The following SPATA21 variants were observed in gnomAD, a reference collection of about 807,000 sequenced individuals.
The protein encoded by SPATA21 is spermatogenesis associated 21.
SPATA21 carries 47 observed loss-of-function variants against 54.8 expected under a neutral mutation model. That is an observed-to-expected ratio of 0.86 (90% CI 0.68 to 1.09). The LOEUF is 1.09. SPATA21 is among the 50% of genes least tolerant of loss of function. The probability of loss-of-function intolerance (pLI) is 0.00; values close to 1 mark genes in which losing one functional copy is unlikely to be tolerated. For missense variants in SPATA21, 599 were observed against 596.4 expected, an observed-to-expected ratio of 1.00 and a Z score of -0.05; for synonymous variants, 245 against 235.3, an observed-to-expected ratio of 1.04 and a Z score of -0.38.
rs776020959 is a variant in SPATA21 at position 16,429,147 on chromosome 1, ATT to A, written c.34+2189_34+2190del. Among the ~76,000 whole-genome samples, 14 of 143,982 alleles carry A rather than the reference ATT, an allele frequency of 9.7e-5. No individual in the cohort carries two copies. The South Asian group carries it at 2.2e-3, about 23-fold the overall frequency. 94.5% of individuals were successfully genotyped at this position (143,982 alleles called of 152,430 possible). A position where few individuals can be genotyped will look rare whatever the true frequency, so the allele number is the denominator to read the frequency against. On this transcript the variant is annotated intron_variant, in intron 3 of 12. Coordinates refer to ENST00000335496, the MANE Select transcript of SPATA21 (RefSeq NM_198546.1). Reference sequence around the variant, plus strand: ...ATACCCAAGGGCATGTTGACTTTTTATTTTTTTTTTTGGCTTTTTTTTTCTTT... The same window carrying A: ...ATACCCAAGGGCATGTTGACTTTTTATTTTTTTTTGGCTTTTTTTTTCTTT...
intron 5 of SPATA21, among the ~76,000 whole-genome samples, chr1:16,414,622 C>T (rs563249192): frequency 1.2e-4 from 18 of 151,892 alleles, no homozygotes; most frequent in Admixed American, 5.9e-4. Context: ...TGGACGGGCG[C>T]GGTGGCTCAC....
In SPATA21 at chr1:16,404,040, C is replaced by T. The variant is rs1269834288; in HGVS notation, c.812-1G>A. 1.2e-5 allele frequency: 19 copies of T among 1,553,352 alleles called. No homozygotes were observed. The highest frequency in any genetic ancestry group is 1.6e-5 in the Non-Finnish European group (18 of 1,147,890). ...TCTTTGAAGTCCACACGACCATCTCCTGTGGAGGCCAGAGGAGTAGGGTGG... is the reference window on the plus strand; with the variant it reads ...TCTTTGAAGTCCACACGACCATCTCTTGTGGAGGCCAGAGGAGTAGGGTGG... On this transcript the variant is annotated splice_acceptor_variant, in intron 8 of 12. Coordinates refer to ENST00000335496, the MANE Select transcript of SPATA21 (RefSeq NM_198546.1). LOFTEE classifies it high-confidence loss of function.
intron 3 of SPATA21, chr1:16,425,052 G>T: frequency 2.9e-6 from 1 of 342,632 alleles, no homozygotes; most frequent in Non-Finnish European, 5.8e-6. Context: ...TTGAGTAGCT[G>T]GGATTACAGG....
chr1:16,414,705 A>G (rs1319738503), intron 5 of SPATA21, among the ~76,000 whole-genome samples: 1 of 151,148 alleles, frequency 6.6e-6, no homozygotes, highest in Admixed American at 6.6e-5. Flanking sequence ...GACCAGCCTG[A>G]CCAACATGGA....
chr1:16,420,833 A>AG (rs148798037), intron 5 of SPATA21, among the ~76,000 whole-genome samples: 6,688 of 152,080 alleles, frequency 0.044, 468 homozygotes, highest in African/African-American at 0.15. Flanking sequence ...CCTGGAGCGG[A>AG]GGGAGGGCGG....
intron 5 of SPATA21, among the ~76,000 whole-genome samples, chr1:16,417,090 T>G (rs2086029804): frequency 6.6e-6 from 1 of 152,198 alleles, no homozygotes; most frequent in South Asian, 2.1e-4. Flanking sequence ...TCCTGGAGGC[T>G]TCATATCACA....
rs886649759 is a variant in SPATA21, at chr1:16,408,471, T to C, written c.673+647A>G. On this transcript the variant is annotated intron_variant, in intron 7 of 12. Transcript: ENST00000335496. ...GAGGACCAATAGAGCAGGCTTGGGTTAAGGGAAGAAGAAACTATTCCAAAA... is the reference window on the plus strand; with the variant it reads ...GAGGACCAATAGAGCAGGCTTGGGTCAAGGGAAGAAGAAACTATTCCAAAA... The C allele has an allele frequency of 3.0e-6, 3 of 985,302 alleles. No homozygotes were observed. The African/African-American group carries it at 5.2e-5, about 17-fold the overall frequency. 61.0% of individuals were successfully genotyped at this position (985,302 alleles called of 1,614,324 possible).
chr1:16,430,392 C>A (rs1415927798), intron 3 of SPATA21, among the ~76,000 whole-genome samples: 1 of 152,144 alleles, frequency 6.6e-6, no homozygotes, highest in Non-Finnish European at 1.5e-5. Flanking sequence ...GTGATCGCAC[C>A]ACTGCACTCC....
At chr1:16,423,902 G>A (rs1198589623) in intron 3 of SPATA21, among the ~76,000 whole-genome samples, 1 of 151,830 alleles carries the variant, frequency 6.6e-6, no homozygotes, top group Non-Finnish European at 1.5e-5. Flanking sequence ...AATGTACACT[G>A]TACAATTTCA....
In SPATA21 at chr1:16,399,436, C is replaced by T. The variant is rs147682337; in HGVS notation, c.1260G>A (p.Pro420=). ...ACTGGTCTAGTGCATAGTGGTTGCT[C>T]GGCTGCCTACGGACCATCTTCTTGT... is the stretch of plus-strand genomic sequence containing the variant. ...QLDKKMVRRQ[P]SNHYALDQCT... The change falls in exon 12 of 13, where the codon CCG becomes CCA. Residue 420 remains proline (P), a synonymous_variant. Transcript: ENST00000335496. The T allele has an allele frequency of 9.3e-6, 15 of 1,613,992 alleles. No individual in the cohort carries two copies. The East Asian group carries it at 1.8e-4, about 19-fold the overall frequency.
Position 16,403,738 on chromosome 1 carries a change from C to G in SPATA21, c.990G>C (p.Glu330Asp). ...CCGGCCCCACTCACTTTGTGATTTC[C>G]TCTAAGACTGCCTCTGGTAAGGCCA... ...EMLALPEAVL[E>D]EITNYYQKKL... The change falls in exon 10 of 13, where the codon GAG becomes GAC. Residue 330 changes from glutamate (E) to aspartate (D), a missense_variant. By Grantham distance (45) the Glu-to-Asp change is conservative. Transcript: ENST00000335496. The G allele has an allele frequency of 1.2e-6, 2 of 1,613,862 alleles. No individual in the cohort carries two copies. Among genetic ancestry groups the G allele is most frequent in the Non-Finnish European group, 8.5e-7 (1 of 1,179,802 alleles).
intron 2 of SPATA21, among the ~76,000 whole-genome samples, chr1:16,432,490 C>A (rs1292604371): frequency 1.3e-5 from 2 of 151,920 alleles, no homozygotes; most frequent in African/African-American, 2.4e-5. Flanking sequence ...GCCACCACCC[C>A]CTACACAAAC....
At chr1:16,423,412 CAAAAA>C (rs1161125061) in intron 3 of SPATA21, among the ~76,000 whole-genome samples, 1,078 of 59,174 alleles carry the variant, frequency 0.018, 27 homozygotes, top group African/African-American at 0.052. Context: ...GACTCCATGT[CAAAAA>C]AAAAAAAAAA....
At chr1:16,410,584 T>C (rs1467865956) in intron 5 of SPATA21, among the ~76,000 whole-genome samples, 1 of 152,166 alleles carries the variant, frequency 6.6e-6, no homozygotes, top group African/African-American at 2.4e-5. Flanking sequence ...CTAATTTTTA[T>C]ATTTTTAGCA....
chr1:16,395,837 C>G (rs1382902039), downstream of SPATA21: 1 of 153,910 alleles, frequency 6.5e-6, no homozygotes, highest in Non-Finnish European at 1.5e-5. Context: ...GCTCTGCAGC[C>G]GCCAGGACAG....
At chr1:16,405,389 C>T (rs1480092546) in intron 7 of SPATA21, among the ~76,000 whole-genome samples, 1 of 150,518 alleles carries the variant, frequency 6.6e-6, no homozygotes, top group South Asian at 2.1e-4. Flanking sequence ...GTTGTCCCAG[C>T]TACAACACTC....
chr1:16,424,202 C>T (rs1570190916), intron 3 of SPATA21, among the ~76,000 whole-genome samples: 2 of 3,706 alleles, frequency 5.4e-4, no homozygotes, highest in Admixed American at 2.6e-3. Context: ...AATCCCAGCA[C>T]TTTGGGAGGC....
chr1:16,404,907 G>A, intron 8 of SPATA21, 60 bp downstream of exon 8: 1 of 1,500,398 alleles, frequency 6.7e-7, no homozygotes, highest in East Asian at 2.4e-5. Flanking sequence ...AACTGCACAG[G>A]TTTCAAGCCA....
chr1:16,400,504 G>A (rs1557639675), intron 11 of SPATA21: 7 of 1,324,824 alleles, frequency 5.3e-6, no homozygotes, highest in Non-Finnish European at 6.8e-6. Context: ...TAAGGCAGGA[G>A]GGGAGGAGTC....
Sources: allele counts gnomAD v4.1 joint callset (sites outside exome capture counted in the v4.1 genomes callset), GRCh38; gene constraint gnomAD v4.1.1; transcripts MANE v1.5; gene names NCBI Gene and HGNC (gene_info 2026-07-23, HGNC 2026-07-21).